Variants in ITGAE observed in about 807,000 individuals in gnomAD.
ITGAE encodes integrin subunit alpha E, also known as integrin alpha-E.
In ITGAE, 99 loss-of-function variants were observed where a neutral mutation model predicts 136.5. The observed-to-expected ratio is 0.73, with a 90% CI of 0.62 to 0.86. The LOEUF is 0.86. ITGAE is among the 40% of genes least tolerant of loss of function. The pLI is 0.00. For missense variants in ITGAE, 1,447 were observed against 1,515.3 expected (o/e 0.95, Z 0.75); for synonymous variants, 613 against 591.8 (o/e 1.04, Z -0.52).
intron 10 of ITGAE, 141 bp from the exon 11 acceptor site, chr17:3,756,038 AC>A: frequency 1.4e-6 from 1 of 728,522 alleles, no homozygotes; most frequent in Non-Finnish European, 2.3e-6. Flanking sequence ...GAGGGTAGAG[AC>A]CCAGGTTCTC....
intron 12 of ITGAE, among the ~76,000 whole-genome samples, chr17:3,754,140 GCTGT>G (rs1242067259): frequency 2.0e-5 from 3 of 152,152 alleles, no homozygotes; most frequent in Non-Finnish European, 4.4e-5. Flanking sequence ...TGATGCACAC[GCTGT>G]CTGTCACGTA....
chr17:3,745,711 C>G, intron 18 of ITGAE, 53 bp downstream of exon 18: 1 of 1,565,168 alleles, frequency 6.4e-7, no homozygotes, highest in South Asian at 1.1e-5. Flanking sequence ...ACCTCAAATC[C>G]TTTCTCAATG....
At chr17:3,777,340 C>T (rs1223911578) in intron 2 of ITGAE, among the ~76,000 whole-genome samples, 200 bp downstream of exon 2, 6 of 152,228 alleles carry the variant, frequency 3.9e-5, no homozygotes, top group Non-Finnish European at 5.9e-5. Flanking sequence ...GCTGGGGTTC[C>T]GTGGACCCCA....
chr17:3,788,866 AT>A (rs1366719026), intron 1 of ITGAE, among the ~76,000 whole-genome samples: 4 of 148,272 alleles, frequency 2.7e-5, no homozygotes, highest in Admixed American at 6.8e-5. Flanking sequence ...TAATTAAAAT[AT>A]TTTTTAGAAT....
In ITGAE at chr17:3,761,959, TC is replaced by T. The variant is rs1207666768; in HGVS notation, c.270del (p.Arg91GlyfsTer5). 13 of 1,613,632 alleles carry T rather than the reference TC, an allele frequency of 8.1e-6. No homozygotes were observed. Among genetic ancestry groups the T allele is most frequent in the East Asian group, 2.2e-5 (1 of 44,888 alleles). On this transcript the variant is annotated frameshift_variant, in exon 4 of 31. Coordinates refer to ENST00000263087, the MANE Select transcript of ITGAE (RefSeq NM_002208.5). LOFTEE classifies it high-confidence loss of function. ...CGGACAACGGTCACTCCCCGGTGCC[TC>T]CCCTTGGGGATGGGGACATGCTCTG... Reference protein sequence around the residue: ...HPVEHVPIPKGRHRGVTVVRS... With the variant: ...HPVEHVPIPKXRHRGVTVVRS...
chr17:3,783,783 T>C (rs2052716444), intron 1 of ITGAE, among the ~76,000 whole-genome samples: 1 of 152,196 alleles, frequency 6.6e-6, no homozygotes, highest in Non-Finnish European at 1.5e-5. Context: ...GAAGGAGATA[T>C]ATGCACACAA....
intron 1 of ITGAE, among the ~76,000 whole-genome samples, chr17:3,778,754 A>C (rs1015360620): frequency 3.3e-5 from 5 of 152,202 alleles, no homozygotes; most frequent in Admixed American, 1.3e-4. Flanking sequence ...TCCATGAAGA[A>C]ATCATTGGTA....
In ITGAE at chr17:3,753,776, C is replaced by A; in HGVS notation, c.1527+7G>T. The A allele has an allele frequency of 6.2e-7, 1 of 1,614,096 alleles. No homozygotes were observed. The highest frequency in any genetic ancestry group is 8.5e-7 in the Non-Finnish European group (1 of 1,180,000). ...CATAAGGGGTGGAGGCTTTCCCCAG[C>A]AGGTACCTGCTCTCCCTCCAGCACT... On this transcript the variant is annotated splice_region_variant and intron_variant, in intron 13 of 30. Coordinates refer to ENST00000263087, the MANE Select transcript of ITGAE (RefSeq NM_002208.5).
chr17:3,748,072 G>A lies in ITGAE; in HGVS notation c.2025-20C>T, dbSNP rs1335369682. ...CGGGAGCTAAACAAGACAGCAAAGA[G>A]GATGGGAGAAGTGACTGCTCAGCCT... On this transcript the variant is annotated intron_variant, in intron 16 of 30. Transcript: ENST00000263087. 1.5e-5 allele frequency: 24 copies of A among 1,603,754 alleles called. No homozygotes were observed. Among genetic ancestry groups the A allele is most frequent in the East Asian group, 4.5e-5 (2 of 44,368 alleles).
At position 3,787,927 on chromosome 17, in the gene ITGAE, G is replaced by A. The variant is rs2052838609; in HGVS notation, c.35-10267C>T. ...TGCTCTCGAACTCCTGACCTCAGGT[G>A]ATCCACCCGTCTTGGCCTCCCAAAG... On this transcript the variant is annotated intron_variant, in intron 1 of 30. Transcript: ENST00000263087. Among the ~76,000 whole-genome samples, 4 of 152,170 alleles carry A rather than the reference G, an allele frequency of 2.6e-5. No individual in the cohort carries two copies. The South Asian group carries it at 8.3e-4, about 32-fold the overall frequency.
chr17:3,714,645 A>G lies in ITGAE; in HGVS notation c.*202T>C. The G allele has an allele frequency of 2.3e-6, 1 of 441,958 alleles. No individual in the cohort carries two copies. Among genetic ancestry groups the G allele is most frequent in the Non-Finnish European group, 4.0e-6 (1 of 251,818 alleles). 27.4% of individuals were successfully genotyped at this position (441,958 alleles called of 1,614,324 possible). A position where few individuals can be genotyped will look rare whatever the true frequency, so the allele number is the denominator to read the frequency against. On this transcript the variant is annotated 3_prime_UTR_variant, in exon 31 of 31. Coordinates refer to ENST00000263087, the MANE Select transcript of ITGAE (RefSeq NM_002208.5). Reference sequence around the variant, plus strand: ...GGCACTACTGCAAAGAAAAGTGTAAATTTATTTAATACCAAATGTTTCCTA... The same window carrying G: ...GGCACTACTGCAAAGAAAAGTGTAAGTTTATTTAATACCAAATGTTTCCTA...
At chr17:3,728,730 C>T (rs1370840264) in intron 24 of ITGAE, among the ~76,000 whole-genome samples, 2 of 151,224 alleles carry the variant, frequency 1.3e-5, no homozygotes, top group Non-Finnish European at 2.9e-5. Flanking sequence ...CAGAGGGCAC[C>T]AGACCTTTAC....
chr17:3,749,883 G>A (rs1166787171), intron 16 of ITGAE, among the ~76,000 whole-genome samples: 1 of 152,066 alleles, frequency 6.6e-6, no homozygotes, highest in African/African-American at 2.4e-5. Context: ...GGGCGTGGTG[G>A]CAGACACCTG....
intron 1 of ITGAE, among the ~76,000 whole-genome samples, chr17:3,795,064 C>CAGCCAGG (rs924492699): frequency 2.0e-5 from 3 of 152,188 alleles, no homozygotes; most frequent in Admixed American, 2.0e-4. Context: ...CCTGCTCAGC[C>CAGCCAGG]AGCCAGGAGC....
Position 3,777,543 on chromosome 17 carries a change from G to T in ITGAE, c.152C>A (p.Thr51Asn), listed in dbSNP as rs1387319753. The T allele has an allele frequency of 6.2e-7, 1 of 1,612,378 alleles. No homozygotes were observed. The highest frequency in any genetic ancestry group is 8.5e-7 in the Non-Finnish European group (1 of 1,179,036). The stretch of plus-strand genomic sequence containing the variant: ...CTTGCCCACCGGCCCTACTCACCAG[G>T]TCTGGTTGGTGCTGGGGTCTTGGTG... ...LLHQDPSTNQ[T>N]WLLVTSPRTK... is the part of the protein sequence containing the mutation. The change falls in exon 2 of 31, where the codon ACC becomes AAC. Residue 51 changes from threonine (T) to asparagine (N), a missense_variant. By Grantham distance (65) the Thr-to-Asn change is moderately conservative. This residue lies in a region of ITGAE where 106 missense variants were observed against 87.8 expected (regional missense o/e 1.21). Coordinates refer to ENST00000263087, the MANE Select transcript of ITGAE (RefSeq NM_002208.5).
At position 3,761,896 on chromosome 17, in the gene ITGAE, C is replaced by T. The variant is rs1349621025; in HGVS notation, c.315+19G>A. ...ACCAGCCTCCCTAAGGCCCTCCCTC[C>T]TCTCGCTCCTGCACTCACCAAAACA... On this transcript the variant is annotated intron_variant, in intron 4 of 30. Transcript: ENST00000263087. 1.2e-6 allele frequency: 2 copies of T among 1,611,012 alleles called. No homozygotes were observed. The highest frequency in any genetic ancestry group is 2.2e-5 in the East Asian group (1 of 44,856).
intron 18 of ITGAE, among the ~76,000 whole-genome samples, chr17:3,745,387 G>T (rs1186343705): frequency 1.3e-5 from 2 of 152,100 alleles, no homozygotes; most frequent in East Asian, 3.9e-4. Context: ...TGTTGGCCAG[G>T]CTGGAGTACA....
At chr17:3,736,421 C>T (rs2051460958) in intron 20 of ITGAE, among the ~76,000 whole-genome samples, 1 of 152,084 alleles carries the variant, frequency 6.6e-6, no homozygotes, top group South Asian at 2.1e-4. Flanking sequence ...TCACTGTGAC[C>T]CTAGGTGAGG....
intron 13 of ITGAE, 129 bp downstream of exon 13, chr17:3,753,654 A>T: frequency 7.9e-7 from 1 of 1,265,972 alleles, no homozygotes; most frequent in Non-Finnish European, 1.1e-6. Context: ...CTCGAGCTCC[A>T]CTCAGGAGCC....
Sources: gnomAD v4.1 joint callset for allele counts (sites outside exome capture counted in the v4.1 genomes callset) on GRCh38, gnomAD v4.1.1 for gene constraint, gnomAD v4.1.1 regional missense constraint, MANE v1.5 for transcripts, NCBI Gene and HGNC (gene_info 2026-07-23, HGNC 2026-07-21) for gene names.